The following SLC16A10 variants were observed in gnomAD, a reference collection of about 807,000 sequenced individuals.
SLC16A10 encodes monocarboxylate transporter 10.
SLC16A10 carries 27 observed loss-of-function variants against 40.0 expected under a neutral mutation model. The observed-to-expected ratio is 0.67, with a 90% CI of 0.50 to 0.93. SLC16A10 has a LOEUF of 0.93. Among genes scored for constraint, SLC16A10 ranks in the 40% least tolerant of loss-of-function variants. The pLI, the probability that SLC16A10 is intolerant of heterozygous loss-of-function variation, is 0.00. For missense variants in SLC16A10, 529 were observed against 658.2 expected (o/e 0.80, Z 2.15); for synonymous variants, 213 against 249.8 (o/e 0.85, Z 1.39).
chr6:111,103,817 G>A (rs1489220456), intron 1 of SLC16A10, among the ~76,000 whole-genome samples: 3 of 152,168 alleles, frequency 2.0e-5, no homozygotes, highest in Non-Finnish European at 4.4e-5. Flanking sequence ...GAGAGTGTAA[G>A]GCCTGGGCAA....
chr6:111,217,511 A>T (rs1352330350), intron 4 of SLC16A10, among the ~76,000 whole-genome samples: 2 of 152,066 alleles, frequency 1.3e-5, no homozygotes, highest in African/African-American at 2.4e-5. Flanking sequence ...GTGCAGTGGC[A>T]TGATCTCGGC....
chr6:111,174,256 G>A (rs1262270011), intron 2 of SLC16A10, among the ~76,000 whole-genome samples: 1 of 152,038 alleles, frequency 6.6e-6, no homozygotes, highest in African/African-American at 2.4e-5. Context: ...TGCTGCTTTA[G>A]TTGAAAAGCG....
chr6:111,147,958 C>T (rs911775196), intron 1 of SLC16A10, among the ~76,000 whole-genome samples: 1 of 152,152 alleles, frequency 6.6e-6, no homozygotes, highest in Non-Finnish European at 1.5e-5. Context: ...CTGATCACAT[C>T]ACACCCATCC....
intron 3 of SLC16A10, among the ~76,000 whole-genome samples, chr6:111,203,444 C>T (rs1229343856): frequency 6.6e-6 from 1 of 151,924 alleles, no homozygotes; most frequent in Non-Finnish European, 1.5e-5. Flanking sequence ...TAAATAATGC[C>T]CCTTCTAGGC....
intron 1 of SLC16A10, among the ~76,000 whole-genome samples, chr6:111,103,821 T>C (rs1204253359): frequency 6.6e-6 from 1 of 152,166 alleles, no homozygotes; most frequent in Non-Finnish European, 1.5e-5. Flanking sequence ...GTGTAAGGCC[T>C]GGGCAAGGGT....
chr6:111,196,198 A>G (rs1037175582), intron 3 of SLC16A10, among the ~76,000 whole-genome samples: 2 of 152,166 alleles, frequency 1.3e-5, no homozygotes, highest in African/African-American at 4.8e-5. Context: ...TTAGCCAGGC[A>G]TGATGGCAGC....
chr6:111,161,775 T>C (rs967341675), intron 1 of SLC16A10, among the ~76,000 whole-genome samples: 1 of 152,206 alleles, frequency 6.6e-6, no homozygotes, highest in African/African-American at 2.4e-5. Flanking sequence ...CAGGTGGCTA[T>C]AGTTATGCCT....
chr6:111,140,979 AG>A (rs1413740453), intron 1 of SLC16A10, among the ~76,000 whole-genome samples: 3 of 152,056 alleles, frequency 2.0e-5, no homozygotes, highest in African/African-American at 7.2e-5. Flanking sequence ...AATAGAGGTA[AG>A]GGTCTCACTA....
At position 111,087,894 on chromosome 6, in the gene SLC16A10, G is replaced by C. The variant is rs760184130; in HGVS notation, c.142G>C (p.Val48Leu). ...CGAGGCGGCTGTCGAGAAGGTGGAG[G>C]TGGAGCTGGCGGGGCCGGCGACCGC... ...SPEAAVEKVE[V>L]ELAGPATAEP... The change falls in exon 1 of 6, where the codon GTG becomes CTG. Residue 48 changes from valine to leucine, a missense_variant. Val to Leu is a conservative substitution (Grantham distance 32). Transcript: ENST00000368851. 1.9e-5 allele frequency: 30 copies of C among 1,568,972 alleles called. No homozygotes were observed. Among genetic ancestry groups the C allele is most frequent in the Non-Finnish European group, 2.4e-5 (28 of 1,160,490 alleles).
intron 1 of SLC16A10, among the ~76,000 whole-genome samples, chr6:111,149,796 A>G (rs1214811492): frequency 6.6e-6 from 1 of 152,228 alleles, no homozygotes; most frequent in East Asian, 1.9e-4. Flanking sequence ...ATAAATATTT[A>G]ACTCTTTTTG....
At chr6:111,151,813 T>C (rs530797523) in intron 1 of SLC16A10, among the ~76,000 whole-genome samples, 1 of 152,328 alleles carries the variant, frequency 6.6e-6, no homozygotes, top group South Asian at 2.1e-4. Flanking sequence ...CCCCATCCTT[T>C]GCCTGATGAA....
chr6:111,118,276 G>A (rs1365880763), intron 1 of SLC16A10, among the ~76,000 whole-genome samples: 1 of 152,162 alleles, frequency 6.6e-6, no homozygotes, highest in Non-Finnish European at 1.5e-5. Flanking sequence ...ATAAAAAAAT[G>A]AATGCAAATG....
intron 1 of SLC16A10, among the ~76,000 whole-genome samples, chr6:111,090,406 C>T (rs1770953929): frequency 6.6e-6 from 1 of 152,052 alleles, no homozygotes; most frequent in Admixed American, 6.6e-5. Flanking sequence ...ACAGAAGGGC[C>T]CTATGCACTT....
Position 111,135,232 on chromosome 6 carries a change from G to A in SLC16A10, c.344-37463G>A, listed in dbSNP as rs187058435. Among the ~76,000 whole-genome samples, 318 of 152,242 alleles carry A rather than the reference G, an allele frequency of 2.1e-3. 1 individual carries two copies. The highest frequency in any genetic ancestry group is 7.5e-3 in the African/African-American group (310 of 41,542). ...AGTCTGGGCAACAGAAGGACAATACGGATGAGCAAAGAATGCCCATCTTGT... is the reference window on the plus strand; with the variant it reads ...AGTCTGGGCAACAGAAGGACAATACAGATGAGCAAAGAATGCCCATCTTGT... On this transcript the variant is annotated intron_variant, in intron 1 of 5. Transcript: ENST00000368851.
At chr6:111,097,470 C>G (rs1771094533) in intron 1 of SLC16A10, among the ~76,000 whole-genome samples, 1 of 151,956 alleles carries the variant, frequency 6.6e-6, no homozygotes, top group African/African-American at 2.4e-5. Context: ...CACCACCATG[C>G]CTGGCTAATT....
intron 1 of SLC16A10, among the ~76,000 whole-genome samples, chr6:111,140,270 C>A (rs1262381844): frequency 5.3e-5 from 8 of 151,866 alleles, no homozygotes; most frequent in South Asian, 4.2e-4. Flanking sequence ...TAAGGCCAGC[C>A]CAGGCAACAT....
intron 1 of SLC16A10, among the ~76,000 whole-genome samples, chr6:111,103,576 G>A (rs1287605914): frequency 6.6e-6 from 1 of 152,110 alleles, no homozygotes; most frequent in Non-Finnish European, 1.5e-5. Flanking sequence ...AAACAAATTC[G>A]ACTTATTCCA....
At chr6:111,105,773 G>T (rs1771274932) in intron 1 of SLC16A10, among the ~76,000 whole-genome samples, 2 of 152,220 alleles carry the variant, frequency 1.3e-5, no homozygotes, top group Non-Finnish European at 2.9e-5. Context: ...GTGCTGTCCT[G>T]TGATCTCTCA....
chr6:111,189,894 T>C (rs1197646951), intron 3 of SLC16A10, among the ~76,000 whole-genome samples: 1 of 152,198 alleles, frequency 6.6e-6, no homozygotes, highest in Non-Finnish European at 1.5e-5. Flanking sequence ...CATATCATTC[T>C]GCCCCTGGCT....
Sources: allele counts gnomAD v4.1 joint callset (sites outside exome capture counted in the v4.1 genomes callset), GRCh38; gene constraint gnomAD v4.1.1; transcripts MANE v1.5; gene names NCBI Gene and HGNC (gene_info 2026-07-23, HGNC 2026-07-21).